The following GALNT17 variants were observed in gnomAD, a reference collection of about 807,000 sequenced individuals.
The protein encoded by GALNT17 is UDP-GalNAc:polypeptide N-acetylgalactosaminyltransferase-like 3.
A neutral mutation model predicts 63.7 loss-of-function variants in GALNT17; 29 were observed. That is an observed-to-expected ratio of 0.46 (90% CI 0.34 to 0.62). GALNT17 has a LOEUF of 0.62. GALNT17 is among the 20% of genes least tolerant of loss of function. The probability of loss-of-function intolerance (pLI) is 0.01; values close to 1 mark genes in which losing one functional copy is unlikely to be tolerated. For missense variants in GALNT17, 603 were observed against 799.6 expected (o/e 0.75, Z 2.97); for synonymous variants, 305 against 318.3 (o/e 0.96, Z 0.45).
rs773454238 is a variant in GALNT17, at chr7:71,436,718, C to CA, written c.962+15623dup. On this transcript the variant is annotated intron_variant, in intron 5 of 10. Transcript: ENST00000333538. ...TGGGCGACAGAGCGAGACTCCATCT[C>CA]AAAAAAAAAATAAAAAATAAAACAA... is the stretch of plus-strand genomic sequence containing the variant. Among the ~76,000 whole-genome samples the CA allele has an allele frequency of 8.5e-4, 114 of 133,868 alleles. 5 individuals carry two copies. The highest frequency in any genetic ancestry group is 4.8e-3 in the East Asian group (20 of 4,162). 87.8% of individuals were successfully genotyped at this position (133,868 alleles called of 152,430 possible).
chr7:71,502,630 A>G (rs1224591882), intron 5 of GALNT17, among the ~76,000 whole-genome samples: 3 of 152,160 alleles, frequency 2.0e-5, no homozygotes, highest in African/African-American at 7.2e-5. Context: ...ATGATGCCCA[A>G]GGAGCTCCTG....
chr7:71,698,573 A>G (rs1406074673), intron 9 of GALNT17, among the ~76,000 whole-genome samples: 1 of 152,038 alleles, frequency 6.6e-6, no homozygotes, highest in Non-Finnish European at 1.5e-5. Context: ...TTGAAGAGTA[A>G]ACAATAAAAT....
At chr7:71,148,071 C>A (rs892397699) in intron 1 of GALNT17, among the ~76,000 whole-genome samples, 8 of 152,206 alleles carry the variant, frequency 5.3e-5, no homozygotes, top group African/African-American at 1.9e-4. Flanking sequence ...TGTCTTTCCT[C>A]AAAATGATTT....
At chr7:71,522,477 A>G (rs1788545824) in intron 5 of GALNT17, among the ~76,000 whole-genome samples, 1 of 152,206 alleles carries the variant, frequency 6.6e-6, no homozygotes, top group Non-Finnish European at 1.5e-5. Context: ...CATGGATGGC[A>G]GCAGGCAAAG....
At chr7:71,647,229 A>ATTTTTTTTTTTTTTTTTTTT (rs5884850) in intron 6 of GALNT17, among the ~76,000 whole-genome samples, 7 of 137,540 alleles carry the variant, frequency 5.1e-5, no homozygotes, top group African/African-American at 2.2e-4. Context: ...GTGCCCAGCT[A>ATTTTTTTTTTTTTTTTTTTT]TTTTTTTTTT....
intron 1 of GALNT17, among the ~76,000 whole-genome samples, chr7:71,150,248 T>A (rs184154807): frequency 7.9e-5 from 12 of 152,286 alleles, no homozygotes; most frequent in African/African-American, 2.9e-4. Flanking sequence ...AGGGTCTGGA[T>A]GAGACAGGTC....
intron 2 of GALNT17, among the ~76,000 whole-genome samples, chr7:71,369,721 A>G (rs1201996799): frequency 1.3e-5 from 2 of 151,568 alleles, no homozygotes; most frequent in African/African-American, 4.9e-5. Context: ...GCTGCGACAC[A>G]AGAATCACTT....
intron 6 of GALNT17, among the ~76,000 whole-genome samples, chr7:71,657,536 C>T (rs1397742518): frequency 6.6e-6 from 1 of 152,120 alleles, no homozygotes; most frequent in Non-Finnish European, 1.5e-5. Flanking sequence ...CTGGGCAGTA[C>T]CTGGCACCCT....
At chr7:71,185,257 G>C (rs1788827634) in intron 1 of GALNT17, among the ~76,000 whole-genome samples, 1 of 150,852 alleles carries the variant, frequency 6.6e-6, no homozygotes, top group Non-Finnish European at 1.5e-5. Flanking sequence ...CCAGGCTGGA[G>C]TACAATGGTC....
intron 9 of GALNT17, among the ~76,000 whole-genome samples, chr7:71,691,148 T>G (rs1398500864): frequency 6.6e-6 from 1 of 152,116 alleles, no homozygotes; most frequent in African/African-American, 2.4e-5. Context: ...TCTCTTATTT[T>G]AAGAAATTGC....
intron 9 of GALNT17, among the ~76,000 whole-genome samples, chr7:71,703,273 AAT>A (rs1489690352): frequency 6.6e-6 from 1 of 152,206 alleles, no homozygotes; most frequent in African/African-American, 2.4e-5. Context: ...AAAGAGGTTT[AAT>A]TGGCTTTTGG....
At chr7:71,229,440 C>CT (rs1789746424) in intron 1 of GALNT17, among the ~76,000 whole-genome samples, 1 of 152,200 alleles carries the variant, frequency 6.6e-6, no homozygotes, top group Admixed American at 6.5e-5. Flanking sequence ...TTTCCTGGCT[C>CT]TTTCGTCAGC....
chr7:71,482,930 G>A (rs529752723), intron 5 of GALNT17, among the ~76,000 whole-genome samples: 11 of 152,278 alleles, frequency 7.2e-5, no homozygotes, highest in Middle Eastern at 6.8e-3. Context: ...CTGCTGATCT[G>A]ACAGGAGGCA....
At chr7:71,276,641 C>T (rs1477065830) in intron 1 of GALNT17, among the ~76,000 whole-genome samples, 1 of 152,174 alleles carries the variant, frequency 6.6e-6, no homozygotes, top group Non-Finnish European at 1.5e-5. Context: ...TGCCTTCTTC[C>T]ATGATTGTGA....
At chr7:71,432,581 C>G (rs1213472941) in intron 5 of GALNT17, among the ~76,000 whole-genome samples, 1 of 152,126 alleles carries the variant, frequency 6.6e-6, no homozygotes, top group Non-Finnish European at 1.5e-5. Flanking sequence ...TTTAGACAAC[C>G]CAAGCCCACT....
intron 1 of GALNT17, among the ~76,000 whole-genome samples, chr7:71,168,700 C>CGTGT (rs1166172380): frequency 7.8e-4 from 65 of 83,272 alleles, no homozygotes; most frequent in African/African-American, 3.4e-3. Context: ...CACATAGTTA[C>CGTGT]GTGTATGTGT....
At chr7:71,426,039 A>C (rs985674772) in intron 5 of GALNT17, among the ~76,000 whole-genome samples, 1 of 152,202 alleles carries the variant, frequency 6.6e-6, no homozygotes, top group Non-Finnish European at 1.5e-5. Context: ...TGAGAACTCT[A>C]TCATGAGAAC....
At position 71,500,788 on chromosome 7, in the gene GALNT17, G is replaced by A. The variant is rs540722811; in HGVS notation, c.963-70497G>A. ...CTCTGATCACCAACCCCAAGTGGCC[G>A]TTCACCATGTGGCCATGGTTAAGAC... On this transcript the variant is annotated intron_variant, in intron 5 of 10. Transcript: ENST00000333538. Among the ~76,000 whole-genome samples the A allele has an allele frequency of 4.6e-5, 7 of 152,110 alleles. No homozygotes were observed. The South Asian group carries it at 6.2e-4, about 14-fold the overall frequency.
chr7:71,503,906 C>T (rs1788222410), intron 5 of GALNT17, among the ~76,000 whole-genome samples: 1 of 151,506 alleles, frequency 6.6e-6, no homozygotes. Flanking sequence ...CCAGCCTGGC[C>T]AATACAGTGA....
Sources: allele counts gnomAD v4.1 joint callset (sites outside exome capture counted in the v4.1 genomes callset), GRCh38; gene constraint gnomAD v4.1.1; transcripts MANE v1.5; gene names NCBI Gene and HGNC (gene_info 2026-07-23, HGNC 2026-07-21).